Variants in DPP10 observed in about 807,000 individuals in gnomAD.
DPP10 encodes dipeptidyl peptidase like 10, also known as inactive dipeptidyl peptidase 10.
Under a neutral mutation model 120.9 loss-of-function variants are expected in DPP10, and 33 were observed. The observed-to-expected ratio is 0.27, with a 90% CI of 0.21 to 0.37. The LOEUF (loss-of-function observed/expected upper bound fraction) is 0.37, where lower values mean the gene tolerates loss of function less well. Among genes scored for constraint, DPP10 ranks in the 10% least tolerant of loss-of-function variants. The pLI, the probability that DPP10 is intolerant of heterozygous loss-of-function variation, is 1.00. For synonymous variants in DPP10, 337 were observed against 326.1 expected, an observed-to-expected ratio of 1.03 and a Z score of -0.36; for missense variants, 816 against 942.8, an observed-to-expected ratio of 0.87 and a Z score of 1.76.
In DPP10 at chr2:115,536,043, A is replaced by G. The variant is rs558286364; in HGVS notation, c.441+10071A>G. ...GACAATGGGGTTTTCTAGATATACA[A>G]CAACATACTTTTAAATAGCATCTTT... is the stretch of plus-strand genomic sequence containing the variant. On this transcript the variant is annotated intron_variant, in intron 5 of 25. Transcript: ENST00000410059. Among the ~76,000 whole-genome samples, 5 of 152,088 alleles carry G rather than the reference A, an allele frequency of 3.3e-5. No homozygotes were observed. The South Asian group carries it at 8.3e-4, about 25-fold the overall frequency.
rs979679098 is a variant in DPP10, at chr2:115,358,967, C to G, written c.271+15055C>G. On this transcript the variant is annotated intron_variant, in intron 3 of 25. Transcript: ENST00000410059. ...TTCAATTACCTCCCACCGGATCCCT[C>G]CCGTGGCACATGGAGATTATGGAAA... Among the ~76,000 whole-genome samples, 3 of 152,278 alleles carry G rather than the reference C, an allele frequency of 2.0e-5. No individual in the cohort carries two copies. In the East Asian group the frequency reaches 5.8e-4, roughly 29 times the overall value.
At chr2:115,345,699 T>C (rs766285946) in intron 3 of DPP10, among the ~76,000 whole-genome samples, 24 of 152,308 alleles carry the variant, frequency 1.6e-4, no homozygotes, top group Non-Finnish European at 2.4e-4. Flanking sequence ...TGTGTATAAC[T>C]GACTCTGTGA....
intron 1 of DPP10, among the ~76,000 whole-genome samples, chr2:114,725,156 T>G (rs78077931): frequency 0.033 from 5,009 of 152,292 alleles, 125 homozygotes; most frequent in Middle Eastern, 0.068. Context: ...AACTTGGAAA[T>G]GTGTCCCAGC....
chr2:114,990,292 C>T (rs1444062869), intron 1 of DPP10, among the ~76,000 whole-genome samples: 7 of 152,034 alleles, frequency 4.6e-5, no homozygotes, highest in Non-Finnish European at 1.0e-4. Flanking sequence ...AGATTAGAAA[C>T]AAGGAGATCC....
chr2:115,746,867 G>C lies in DPP10; in HGVS notation c.950+684G>C, dbSNP rs183927419. 1.1e-4 allele frequency among the ~76,000 whole-genome samples: 17 copies of C among 152,244 alleles called. No homozygotes were observed. The East Asian group carries it at 3.3e-3, about 29-fold the overall frequency. On this transcript the variant is annotated intron_variant, in intron 10 of 25. Coordinates refer to ENST00000410059, the MANE Select transcript of DPP10 (RefSeq NM_020868.6). Reference sequence around the variant, plus strand: ...TTATCACAACCCTAGAGATGGGATAGGCAGCTGATTTAGAAAAATGTTTTC... The same window carrying C: ...TTATCACAACCCTAGAGATGGGATACGCAGCTGATTTAGAAAAATGTTTTC...
chr2:114,668,834 C>T (rs921251988), intron 1 of DPP10, among the ~76,000 whole-genome samples: 2 of 152,100 alleles, frequency 1.3e-5, no homozygotes, highest in African/African-American at 2.4e-5. Flanking sequence ...GCATTTCAAG[C>T]TTCAGAAGTT....
At chr2:115,391,974 T>C (rs17044274) in intron 3 of DPP10, among the ~76,000 whole-genome samples, 2,929 of 152,226 alleles carry the variant, frequency 0.019, 101 homozygotes, top group African/African-American at 0.066. Flanking sequence ...ACTATTGACC[T>C]AGAAGACTGG....
chr2:115,714,570 A>G (rs1036927480), intron 7 of DPP10, among the ~76,000 whole-genome samples: 6 of 152,054 alleles, frequency 3.9e-5, no homozygotes, highest in African/African-American at 1.4e-4. Flanking sequence ...ATTCTTTTAC[A>G]TTTGTATCTT....
chr2:115,469,391 C>T (rs2074540293), intron 3 of DPP10, among the ~76,000 whole-genome samples: 1 of 152,122 alleles, frequency 6.6e-6, no homozygotes, highest in Non-Finnish European at 1.5e-5. Flanking sequence ...AGTGAAACCA[C>T]ATGACAAATT....
intron 1 of DPP10, among the ~76,000 whole-genome samples, chr2:114,641,532 A>G (rs1374744117): frequency 6.6e-6 from 1 of 152,014 alleles, no homozygotes; most frequent in Non-Finnish European, 1.5e-5. Flanking sequence ...GATAGAAAAT[A>G]CAATTATACA....
At chr2:115,692,957 G>A (rs1483990305) in intron 7 of DPP10, among the ~76,000 whole-genome samples, 1 of 152,024 alleles carries the variant, frequency 6.6e-6, no homozygotes, top group African/African-American at 2.4e-5. Flanking sequence ...AAAATAATCT[G>A]GACCCTCAAA....
intron 1 of DPP10, among the ~76,000 whole-genome samples, chr2:115,084,812 G>A (rs1035887760): frequency 2.0e-5 from 3 of 152,164 alleles, no homozygotes; most frequent in Non-Finnish European, 1.5e-5. Context: ...AGTTGTGTGA[G>A]GCTGATATTC....
chr2:115,448,882 C>A (rs2072859870), intron 3 of DPP10, among the ~76,000 whole-genome samples: 2 of 152,012 alleles, frequency 1.3e-5, no homozygotes. Context: ...TGAGGTTTTA[C>A]TATTTTTCTG....
chr2:115,817,233 C>T (rs972974757), intron 21 of DPP10, among the ~76,000 whole-genome samples: 12 of 133,922 alleles, frequency 9.0e-5, no homozygotes, highest in South Asian at 5.1e-4. Flanking sequence ...GGCGACAGAG[C>T]GAGACTCCGT....
chr2:115,184,426 G>C (rs182338207), intron 1 of DPP10, among the ~76,000 whole-genome samples: 26 of 152,318 alleles, frequency 1.7e-4, no homozygotes, highest in Admixed American at 1.6e-3. Context: ...TAGAAGACAC[G>C]TGTGAAATCT....
intron 1 of DPP10, among the ~76,000 whole-genome samples, chr2:114,666,020 G>A (rs1053718221): frequency 4.6e-5 from 7 of 152,254 alleles, no homozygotes; most frequent in African/African-American, 1.7e-4. Flanking sequence ...GGGATGGATG[G>A]AGACACACCA....
chr2:115,201,805 A>G (rs1197627668), intron 1 of DPP10, among the ~76,000 whole-genome samples: 1 of 152,140 alleles, frequency 6.6e-6, no homozygotes, highest in Admixed American at 6.5e-5. Context: ...CTCAAGAGCA[A>G]TGATTTTGCA....
At chr2:115,280,980 G>A (rs1295968625) in intron 1 of DPP10, among the ~76,000 whole-genome samples, 1 of 152,172 alleles carries the variant, frequency 6.6e-6, no homozygotes, top group Non-Finnish European at 1.5e-5. Context: ...GTATGGAGAT[G>A]AAACTGGAAT....
intron 5 of DPP10, among the ~76,000 whole-genome samples, chr2:115,544,977 T>A (rs1407384383): frequency 6.6e-6 from 1 of 151,924 alleles, no homozygotes; most frequent in Non-Finnish European, 1.5e-5. Flanking sequence ...TTAAAGAAGG[T>A]TTTCTGGGAT....
Sources: gnomAD v4.1 joint callset for allele counts (sites outside exome capture counted in the v4.1 genomes callset) on GRCh38, gnomAD v4.1.1 for gene constraint, MANE v1.5 for transcripts, NCBI Gene and HGNC (gene_info 2026-07-23, HGNC 2026-07-21) for gene names.